Variants in CEP192 observed in about 807,000 individuals in gnomAD.
The protein encoded by CEP192 is centrosomal protein 192.
A neutral mutation model predicts 271.8 loss-of-function variants in CEP192; 151 were observed. The observed-to-expected ratio is 0.56, with a 90% CI of 0.49 to 0.64. CEP192 has a LOEUF of 0.64. CEP192 is among the 30% of genes least tolerant of loss of function. CEP192 has a pLI of 0.00. For synonymous variants in CEP192, 995 were observed against 1,076.5 expected (o/e 0.92, Z 1.48); for missense variants, 2,910 against 3,020.5 (o/e 0.96, Z 0.86).
intron 42 of CEP192, 23 bp downstream of exon 42, chr18:13,114,274 A>T (rs751842159): frequency 1.4e-4 from 219 of 1,607,940 alleles, no homozygotes; most frequent in Non-Finnish European, 1.8e-4. Context: ...TGTCATTCTT[A>T]TGAGTTTTTT....
intron 9 of CEP192, among the ~76,000 whole-genome samples, chr18:13,027,708 G>A (rs989198168): frequency 6.6e-6 from 1 of 152,148 alleles, no homozygotes; most frequent in Admixed American, 6.5e-5. Context: ...CTGGAAGCTC[G>A]AAGTTGTAAC....
intron 24 of CEP192, 149 bp downstream of exon 24, chr18:13,068,571 T>C (rs891608932): frequency 1.3e-6 from 1 of 749,478 alleles, no homozygotes; most frequent in Non-Finnish European, 2.1e-6. Flanking sequence ...GATGGCATGC[T>C]GTTTTGGGTC....
At chr18:13,113,450 A>G (rs1204985637) in intron 40 of CEP192, 136 bp from the exon 41 acceptor site, 1 of 825,158 alleles carries the variant, frequency 1.2e-6, no homozygotes, top group Non-Finnish European at 1.9e-6. Flanking sequence ...AATTCTTTCA[A>G]TTAATGGCAA....
chr18:13,038,169 C>A (rs1347585271), intron 12 of CEP192, among the ~76,000 whole-genome samples: 1 of 151,960 alleles, frequency 6.6e-6, no homozygotes, highest in Non-Finnish European at 1.5e-5. Flanking sequence ...CTCAAGTGTT[C>A]AAAAATACTC....
At chr18:13,120,885 A>C (rs2040627545) in intron 44 of CEP192, among the ~76,000 whole-genome samples, 1 of 152,248 alleles carries the variant, frequency 6.6e-6, no homozygotes, top group Non-Finnish European at 1.5e-5. Flanking sequence ...TAACTAAATG[A>C]ACTAAACTCT....
At chr18:13,087,860 G>A (rs530029948) in intron 32 of CEP192, among the ~76,000 whole-genome samples, 2 of 152,264 alleles carry the variant, frequency 1.3e-5, no homozygotes, top group East Asian at 3.9e-4. Flanking sequence ...CTTAGAATGT[G>A]CCTTCTTTTC....
chr18:13,096,109 G>T, intron 35 of CEP192, 75 bp from the exon 36 acceptor site: 1 of 1,479,616 alleles, frequency 6.8e-7, no homozygotes, highest in South Asian at 1.2e-5. Context: ...TAGGGTTCTG[G>T]TTTATTAGTT....
rs564007681 is a variant in CEP192 at position 13,057,724 on chromosome 18, T to C, written c.4248T>C (p.Asn1416=). 3 of 1,613,454 alleles carry C rather than the reference T, an allele frequency of 1.9e-6. No individual in the cohort carries two copies. The highest frequency in any genetic ancestry group is 4.5e-5 in the East Asian group (2 of 44,844). Residue 1416 remains asparagine (N), a synonymous_variant, in exon 20 of 45, where the codon AAT becomes AAC. Coordinates refer to ENST00000506447, the MANE Select transcript of CEP192 (RefSeq NM_032142.4). Reference sequence around the variant, plus strand: ...TTGGGGTCCTCAGCATTAGTGTTAATGGTGAAAAGGTAGCTTTCTATGTCT... The same window carrying C: ...TTGGGGTCCTCAGCATTAGTGTTAACGGTGAAAAGGTAGCTTTCTATGTCT... The part of the protein sequence containing the change: ...VSIGVLSISV[N]GEKVDLSTYR...
At chr18:13,040,067 G>A (rs1299098343) in intron 13 of CEP192, among the ~76,000 whole-genome samples, 1 of 152,140 alleles carries the variant, frequency 6.6e-6, no homozygotes, top group Non-Finnish European at 1.5e-5. Flanking sequence ...AGTCACAGCT[G>A]ATTCATAGAA....
chr18:13,053,995 T>TA (rs1332232659), intron 18 of CEP192, among the ~76,000 whole-genome samples: 1 of 152,152 alleles, frequency 6.6e-6, no homozygotes, highest in Non-Finnish European at 1.5e-5. Context: ...TCTGGCTAAT[T>TA]AAAACAAATT....
chr18:13,056,082 G>C lies in CEP192; in HGVS notation c.3492G>C (p.Pro1164=), dbSNP rs186972847. Residue 1164 remains proline (P), a synonymous_variant, in exon 19 of 45, where the codon CCG becomes CCC. Transcript: ENST00000506447. ...GWTSNPEELD[P]IRLALLGKSG... ...CATCAAACCCTGAGGAATTGGACCC[G>C]ATCAGGCTGGCTCTCCTGGGCAAGT... The C allele has an allele frequency of 6.2e-7, 1 of 1,613,762 alleles. No individual in the cohort carries two copies. The highest frequency in any genetic ancestry group is 2.2e-5 in the East Asian group (1 of 44,890).
chr18:13,101,948 CCT>C, intron 38 of CEP192, among the ~76,000 whole-genome samples: 1 of 152,158 alleles, frequency 6.6e-6, no homozygotes, highest in South Asian at 2.1e-4. Flanking sequence ...TGTTCCTCTC[CCT>C]CTCTGTTCCT....
At chr18:13,079,669 T>A (rs936804824) in intron 30 of CEP192, among the ~76,000 whole-genome samples, 1 of 152,236 alleles carries the variant, frequency 6.6e-6, no homozygotes, top group Non-Finnish European at 1.5e-5. Flanking sequence ...TTTTGGCTTT[T>A]GTTGCCATTG....
rs896137721 is a variant in CEP192, at chr18:13,098,915, C to T, written c.6558-561C>T. Among the ~76,000 whole-genome samples the T allele has an allele frequency of 5.6e-4, 85 of 152,178 alleles. 3 individuals carry two copies. Among genetic ancestry groups the T allele is most frequent in the Middle Eastern group, 3.2e-3 (1 of 316 alleles). ...ATTGAGCACTGAGTGAACGAGACTC[C>T]GTCTACAATCCCGGCACCTCGGGAG... is the stretch of plus-strand genomic sequence containing the variant. On this transcript the variant is annotated intron_variant, in intron 36 of 44. Coordinates refer to ENST00000506447, the MANE Select transcript of CEP192 (RefSeq NM_032142.4).
At chr18:13,000,079 A>C (rs1599024049) in intron 2 of CEP192, among the ~76,000 whole-genome samples, 1 of 100,856 alleles carries the variant, frequency 9.9e-6, no homozygotes, top group African/African-American at 3.8e-5. Flanking sequence ...TGTATAACTC[A>C]TTGTCTTCTC....
chr18:13,103,161 T>C (rs1043014832), intron 38 of CEP192, among the ~76,000 whole-genome samples: 4 of 152,174 alleles, frequency 2.6e-5, no homozygotes, highest in Non-Finnish European at 4.4e-5. Flanking sequence ...CATCATCTCA[T>C]AGCCAAACTG....
rs960233422 is a variant in CEP192, at chr18:13,103,812, C to T, written c.6951+224C>T. On this transcript the variant is annotated intron_variant, in intron 39 of 44. Transcript: ENST00000506447. ...CTCAAGCAATCCCCTGCCTTAGCCTCCCATGTGGCTGGGACCACAGGTGTG... is the reference window on the plus strand; with the variant it reads ...CTCAAGCAATCCCCTGCCTTAGCCTTCCATGTGGCTGGGACCACAGGTGTG... 7 of 602,936 alleles carry T rather than the reference C, an allele frequency of 1.2e-5. No homozygotes were observed. The African/African-American group carries it at 1.3e-4, about 11-fold the overall frequency. 37.3% of individuals were successfully genotyped at this position (602,936 alleles called of 1,614,324 possible). A position where few individuals can be genotyped will look rare whatever the true frequency, so the allele number is the denominator to read the frequency against.
At chr18:13,048,497 C>T (rs527818358) in intron 15 of CEP192, among the ~76,000 whole-genome samples, 5 of 152,220 alleles carry the variant, frequency 3.3e-5, no homozygotes, top group South Asian at 2.1e-4. Context: ...GGAAGGTTCT[C>T]GACTTAATAA....
In CEP192 at chr18:13,099,462, A is replaced by G. The variant is rs755215027; in HGVS notation, c.6558-14A>G. On this transcript the variant is annotated splice_polypyrimidine_tract_variant and intron_variant, in intron 36 of 44. Transcript: ENST00000506447. ...GCAGGCTCTTTTTAATTTTCTTATT[A>G]ATTTTTTTTAAAGGAGTAAACTACA... The G allele has an allele frequency of 2.0e-5, 27 of 1,323,128 alleles. No individual in the cohort carries two copies. In the South Asian group the frequency reaches 3.1e-4, roughly 15 times the overall value. The allele number at this position is 1,323,128 out of a possible 1,614,324, so 82.0% of individuals were successfully genotyped here. A position where few individuals can be genotyped will look rare whatever the true frequency, so the allele number is the denominator to read the frequency against.
Sources: allele counts gnomAD v4.1 joint callset (sites outside exome capture counted in the v4.1 genomes callset), GRCh38; gene constraint gnomAD v4.1.1; transcripts MANE v1.5; gene names NCBI Gene and HGNC (gene_info 2026-07-23, HGNC 2026-07-21).